Variants in SLC25A48 observed in about 807,000 individuals in gnomAD.
SLC25A48 encodes solute carrier family 25 member 48.
In SLC25A48, 29 loss-of-function variants were observed where a neutral mutation model predicts 32.2. The observed-to-expected ratio is 0.90, with a 90% CI of 0.67 to 1.23. The LOEUF is 1.23. Among genes scored for constraint, SLC25A48 ranks in the 50% most tolerant of loss-of-function variants. The pLI, the probability that SLC25A48 is intolerant of heterozygous loss-of-function variation, is 0.00. For synonymous variants in SLC25A48, 164 were observed against 172.3 expected, an observed-to-expected ratio of 0.95 and a Z score of 0.38; for missense variants, 399 against 422.7, an observed-to-expected ratio of 0.94 and a Z score of 0.49.
chr5:135,685,104 T>C (rs1038256073), intron 3 of SLC25A48, among the ~76,000 whole-genome samples: 14 of 152,174 alleles, frequency 9.2e-5, no homozygotes, highest in African/African-American at 3.4e-4. Context: ...ATCTGAAAGG[T>C]TAAAAATGGT....
At chr5:135,819,138 C>T (rs774100554) in intron 4 of SLC25A48, among the ~76,000 whole-genome samples, 11 of 149,462 alleles carry the variant, frequency 7.4e-5, no homozygotes, top group Admixed American at 3.3e-4. Context: ...TCCCAGAAGG[C>T]GAGAAGAAAT....
intron 7 of SLC25A48, among the ~76,000 whole-genome samples, chr5:135,885,193 A>G (rs1349414370): frequency 6.6e-6 from 1 of 152,126 alleles, no homozygotes; most frequent in Non-Finnish European, 1.5e-5. Flanking sequence ...CCACATCAGA[A>G]CTGCCCTTCT....
At chr5:135,698,562 C>T (rs2126964158) in intron 3 of SLC25A48, among the ~76,000 whole-genome samples, 2 of 151,902 alleles carry the variant, frequency 1.3e-5, no homozygotes, top group East Asian at 3.9e-4. Context: ...GGATCATAAG[C>T]CTAAATATAA....
At chr5:135,781,531 C>T (rs1756716575) in intron 3 of SLC25A48, among the ~76,000 whole-genome samples, 1 of 117,560 alleles carries the variant, frequency 8.5e-6, no homozygotes, top group African/African-American at 2.6e-5. Flanking sequence ...GATATTGTTC[C>T]TAATATCAAA....
At chr5:135,767,278 G>A (rs1380658806) in intron 3 of SLC25A48, among the ~76,000 whole-genome samples, 1 of 151,328 alleles carries the variant, frequency 6.6e-6, no homozygotes, top group Admixed American at 6.6e-5. Context: ...GGTTCGTAAT[G>A]TCCAGAAGGC....
At chr5:135,841,776 C>A (rs1427016836) in intron 1 of SLC25A48, among the ~76,000 whole-genome samples, 1 of 152,120 alleles carries the variant, frequency 6.6e-6, no homozygotes, top group African/African-American at 2.4e-5. Context: ...GCCACTGCAG[C>A]CTTCAGTTCT....
intron 1 of SLC25A48, among the ~76,000 whole-genome samples, chr5:135,588,434 C>G (rs1479710170): frequency 6.6e-6 from 1 of 152,228 alleles, no homozygotes; most frequent in African/African-American, 2.4e-5. Context: ...TGAGCCCTTG[C>G]TGAGTGCCTG....
chr5:135,644,617 G>A (rs994636708), intron 3 of SLC25A48, among the ~76,000 whole-genome samples: 12 of 152,114 alleles, frequency 7.9e-5, no homozygotes, highest in South Asian at 6.2e-4. Context: ...ACTGAAGCTC[G>A]GAGAGGTTAA....
In SLC25A48 at chr5:135,852,702, G is replaced by A. The variant is rs772224772; in HGVS notation, c.302G>A (p.Arg101His). Residue 101 changes from arginine (R) to histidine (H), a missense_variant, in exon 4 of 8, where the codon CGC becomes CAC. Physicochemically the swap from Arg to His is conservative, Grantham distance 29. Transcript: ENST00000681962. The stretch of plus-strand genomic sequence containing the variant: ...GGGGAGCCAGAGGCCAGTCCTCCCC[G>A]CACGCTGTCAGACCTGCTCCTGGCC... ...RCGEPEASPPRTLSDLLLASM... is the reference protein window; with the variant it reads ...RCGEPEASPPHTLSDLLLASM... 3.8e-5 allele frequency: 62 copies of A among 1,613,990 alleles called. 1 individual carries two copies. The Middle Eastern group carries it at 2.3e-3, about 60-fold the overall frequency.
At chr5:135,832,026 C>T (rs1397979999), upstream of SLC25A48, among the ~76,000 whole-genome samples, 2 of 152,050 alleles carry the variant, frequency 1.3e-5, no homozygotes, top group Non-Finnish European at 2.9e-5. Flanking sequence ...GGATGGCATC[C>T]AAGGTTCTGT....
At chr5:135,765,555 C>A (rs768780715) in intron 3 of SLC25A48, among the ~76,000 whole-genome samples, 3 of 149,350 alleles carry the variant, frequency 2.0e-5, no homozygotes, top group Non-Finnish European at 4.4e-5. Flanking sequence ...TTTTAATATC[C>A]AGGGGGAAAA....
chr5:135,786,938 TCC>T, intron 3 of SLC25A48, among the ~76,000 whole-genome samples: 1 of 152,002 alleles, frequency 6.6e-6, no homozygotes, highest in Admixed American at 6.6e-5. Context: ...ATTTGTAAAA[TCC>T]TAGGTGGATG....
At chr5:135,871,084 CACACACACACACACACACACACACACA>C (rs1761605740) in intron 4 of SLC25A48, among the ~76,000 whole-genome samples, 2 of 128,214 alleles carry the variant, frequency 1.6e-5, no homozygotes, top group Non-Finnish European at 3.5e-5. Context: ...CACACACACA[CACACACACACACACACACACACACACA>C]GCATGTTGGA....
At chr5:135,859,453 C>T (rs1369251379) in intron 4 of SLC25A48, among the ~76,000 whole-genome samples, 2 of 152,192 alleles carry the variant, frequency 1.3e-5, no homozygotes, top group African/African-American at 4.8e-5. Context: ...ATGGGAGCTA[C>T]AATTCAAGAT....
intron 3 of SLC25A48, among the ~76,000 whole-genome samples, chr5:135,637,762 C>T (rs928954624): frequency 6.6e-6 from 1 of 152,154 alleles, no homozygotes; most frequent in African/African-American, 2.4e-5. Context: ...TCCTCAGCCT[C>T]CTGTCATTTT....
intron 3 of SLC25A48, among the ~76,000 whole-genome samples, chr5:135,786,099 G>T (rs572879128): frequency 6.6e-6 from 1 of 151,492 alleles, no homozygotes; most frequent in South Asian, 2.1e-4. Context: ...GGGTGGGGGA[G>T]GGTGATATTA....
intron 3 of SLC25A48, among the ~76,000 whole-genome samples, chr5:135,663,769 C>T (rs932895556): frequency 1.1e-4 from 17 of 152,128 alleles, no homozygotes; most frequent in Admixed American, 9.8e-4. Context: ...CTCTCACCTC[C>T]ACCTGTTATC....
At chr5:135,674,566 CT>C (rs928595523) in intron 3 of SLC25A48, among the ~76,000 whole-genome samples, 1 of 151,300 alleles carries the variant, frequency 6.6e-6, no homozygotes, top group African/African-American at 2.4e-5. Context: ...TTTTCTGTGT[CT>C]TTTTTTCTTT....
At chr5:135,626,645 T>C (rs1309978415) in intron 1 of SLC25A48, among the ~76,000 whole-genome samples, 4 of 152,200 alleles carry the variant, frequency 2.6e-5, no homozygotes, top group Non-Finnish European at 5.9e-5. Context: ...GACAAACCAC[T>C]TCGGTGCTTC....
Sources: gnomAD v4.1 joint callset for allele counts (sites outside exome capture counted in the v4.1 genomes callset) on GRCh38, gnomAD v4.1.1 for gene constraint, MANE v1.5 for transcripts, NCBI Gene and HGNC (gene_info 2026-07-23, HGNC 2026-07-21) for gene names.